The following RHD variants were observed in gnomAD, a reference collection of about 807,000 sequenced individuals.
RHD encodes the protein Rh blood group D antigen.
In RHD, 16 loss-of-function variants were observed where a neutral mutation model predicts 45.5. The observed-to-expected ratio is 0.35, with a 90% CI of 0.24 to 0.53. RHD has a LOEUF of 0.53. Ranked by LOEUF, RHD falls within the 20% of genes least tolerant of loss-of-function variation. RHD has a pLI of 0.92. For missense variants in RHD, 306 were observed against 532.0 expected (o/e 0.58, Z 4.18); for synonymous variants, 131 against 217.5 (o/e 0.60, Z 3.50).
Position 25,299,363 on chromosome 1 carries a change from A to G in RHD, c.487-1583A>G, listed in dbSNP as rs1401232646. 6.1e-5 allele frequency among the ~76,000 whole-genome samples: 8 copies of G among 131,188 alleles called. 3 individuals carry two copies. Among genetic ancestry groups the G allele is most frequent in the Non-Finnish European group, 1.4e-4 (8 of 55,700 alleles). 86.1% of individuals were successfully genotyped at this position (131,188 alleles called of 152,430 possible). A position where few individuals can be genotyped will look rare whatever the true frequency, so the allele number is the denominator to read the frequency against. ...CACCAGTGCACTCTAGCCTGGCGAC[A>G]GAGTGAGACTCCGTCTCAAAAATAA... is the stretch of plus-strand genomic sequence containing the variant. On this transcript the variant is annotated intron_variant, in intron 3 of 9. Transcript: ENST00000328664.
At chr1:25,320,302 C>T (rs189082768) in intron 8 of RHD, among the ~76,000 whole-genome samples, 20 of 131,830 alleles carry the variant, frequency 1.5e-4, no homozygotes, top group African/African-American at 5.2e-4. Context: ...TTATATGGCA[C>T]GTTATAAGTG....
rs138052904 is a variant in RHD, at chr1:25,290,170, C to G, written c.336-471C>G. Among the ~76,000 whole-genome samples, 443 of 128,362 alleles carry G rather than the reference C, an allele frequency of 3.5e-3. 19 individuals carry two copies. The highest frequency in any genetic ancestry group is 9.5e-3 in the African/African-American group (341 of 35,728). 84.2% of individuals were successfully genotyped at this position (128,362 alleles called of 152,430 possible). ...CAGTTTCTTTCCACTGCCACGGAGA[C>G]GGAGAGAAGGGACAGTGGCCCCAGA... is the stretch of plus-strand genomic sequence containing the variant. On this transcript the variant is annotated intron_variant, in intron 2 of 9. Coordinates refer to ENST00000328664, the MANE Select transcript of RHD (RefSeq NM_016124.6).
At position 25,293,148 on chromosome 1, in the gene RHD, A is replaced by T. The variant is rs1220515914; in HGVS notation, c.486+2357A>T. 6.1e-5 allele frequency among the ~76,000 whole-genome samples: 8 copies of T among 131,596 alleles called. 3 individuals are homozygous for T. The allele number at this position is 131,596 out of a possible 152,430, so 86.3% of individuals were successfully genotyped here. On this transcript the variant is annotated intron_variant, in intron 3 of 9. Transcript: ENST00000328664. ...CAGGAGATGAGAAAGTGGAGACAGC[A>T]TGCAGGGGCAGCTCTGCCAAGGACT...
rs1452502975 is a variant in RHD at position 25,302,688 on chromosome 1, C to T, written c.802-634C>T. Among the ~76,000 whole-genome samples, 6 of 130,292 alleles carry T rather than the reference C, an allele frequency of 4.6e-5. No individual in the cohort carries two copies. In the East Asian group the frequency reaches 9.8e-4, roughly 21 times the overall value. The allele number at this position is 130,292 out of a possible 152,430, so 85.5% of individuals were successfully genotyped here. A position where few individuals can be genotyped will look rare whatever the true frequency, so the allele number is the denominator to read the frequency against. On this transcript the variant is annotated intron_variant, in intron 5 of 9. Transcript: ENST00000328664. ...AACTGGGCCCAGTCACACAGGGTGG[C>T]ACAGGCACCAAGTAGCCAATAATAA...
intron 2 of RHD, 132 bp from the exon 3 acceptor site, chr1:25,290,509 T>C (rs1642395072): frequency 4.8e-6 from 4 of 839,556 alleles, no homozygotes; most frequent in Non-Finnish European, 3.9e-6. Flanking sequence ...AGAAATCTTG[T>C]CTTCTATTCC....
At chr1:25,318,390 C>T (rs1245042914) in intron 8 of RHD, 3 of 131,660 alleles carry the variant, frequency 2.3e-5, no homozygotes, top group Admixed American at 2.2e-4. Context: ...GAGTTCGAGA[C>T]CAGCCTGACC....
At chr1:25,314,201 G>A (rs1001807263) in intron 7 of RHD, among the ~76,000 whole-genome samples, 1 of 132,968 alleles carries the variant, frequency 7.5e-6, no homozygotes, top group Admixed American at 7.3e-5. Flanking sequence ...CTAATCACCA[G>A]TAGTGTATAG....
In RHD at chr1:25,297,194, G is replaced by A. The variant is rs1196814200; in HGVS notation, c.487-3752G>A. 1.1e-4 allele frequency among the ~76,000 whole-genome samples: 10 copies of A among 87,298 alleles called. 1 individual carries two copies. The highest frequency in any genetic ancestry group is 3.4e-4 in the African/African-American group (9 of 26,808). 57.3% of individuals were successfully genotyped at this position (87,298 alleles called of 152,430 possible). On this transcript the variant is annotated intron_variant, in intron 3 of 9. Coordinates refer to ENST00000328664, the MANE Select transcript of RHD (RefSeq NM_016124.6). ...TGACCTTGACATGTTTTGAAGTTTCGAGCCAGTTCTTTTGTAGAATGTGGG... is the reference window on the plus strand; with the variant it reads ...TGACCTTGACATGTTTTGAAGTTTCAAGCCAGTTCTTTTGTAGAATGTGGG...
chr1:25,315,046 T>C (rs569851783), intron 7 of RHD, among the ~76,000 whole-genome samples: 1 of 128,604 alleles, frequency 7.8e-6, no homozygotes, highest in South Asian at 2.4e-4. Context: ...CTACTAAAAA[T>C]ACAAAAAATT....
rs756018237 is a variant in RHD, at chr1:25,284,590, G to C, written c.166G>C (p.Val56Leu). 37 of 1,389,262 alleles carry C rather than the reference G, an allele frequency of 2.7e-5. 12 individuals carry two copies. The highest frequency in any genetic ancestry group is 1.8e-4 in the Middle Eastern group (1 of 5,544). The allele number at this position is 1,389,262 out of a possible 1,614,324, so 86.1% of individuals were successfully genotyped here. A position where few individuals can be genotyped will look rare whatever the true frequency, so the allele number is the denominator to read the frequency against. ...CCGAGCAGTTGGCCAAGATCTGACC[G>C]TGATGGCGGCCATTGGCTTGGGCTT... is the stretch of plus-strand genomic sequence containing the variant. ...ASYQVGQDLT[V>L]MAAIGLGFLT... The change falls in exon 2 of 10, where the codon GTG becomes CTG. Residue 56 changes from valine to leucine, a missense_variant. Transcript: ENST00000328664.
chr1:25,302,329 C>G (rs676188), intron 5 of RHD, among the ~76,000 whole-genome samples: 1,666 of 128,808 alleles, frequency 0.013, 163 homozygotes, highest in African/African-American at 0.039. Flanking sequence ...GGGGAAGGGG[C>G]TCCAGCTGGT....
intron 7 of RHD, among the ~76,000 whole-genome samples, chr1:25,311,580 G>T (rs1223337550): frequency 6.9e-5 from 9 of 129,918 alleles, no homozygotes; most frequent in African/African-American, 2.4e-4. Context: ...AAAGCCAGAG[G>T]CTGTTCATCA....
chr1:25,282,541 T>C (rs1238539799), intron 1 of RHD, among the ~76,000 whole-genome samples: 1 of 131,990 alleles, frequency 7.6e-6, no homozygotes, highest in African/African-American at 2.6e-5. Context: ...GGCAATTTAG[T>C]GAGGTTTAAT....
chr1:25,305,292 C>A lies in RHD; in HGVS notation c.940-1304C>A, dbSNP rs1403808391. Among the ~76,000 whole-genome samples the A allele has an allele frequency of 1.5e-5, 2 of 132,122 alleles. 1 individual carries two copies. The highest frequency in any genetic ancestry group is 3.6e-5 in the Non-Finnish European group (2 of 55,872). The allele number at this position is 132,122 out of a possible 152,430, so 86.7% of individuals were successfully genotyped here. A position where few individuals can be genotyped will look rare whatever the true frequency, so the allele number is the denominator to read the frequency against. On this transcript the variant is annotated intron_variant, in intron 6 of 9. Coordinates refer to ENST00000328664, the MANE Select transcript of RHD (RefSeq NM_016124.6). ...AACAGACATTCTAAAGGCATAGGGT[C>A]CACCCAGGAGCATGGTGGACCCAGA...
At chr1:25,281,890 T>C (rs373174183) in intron 1 of RHD, among the ~76,000 whole-genome samples, 5 of 132,740 alleles carry the variant, frequency 3.8e-5, no homozygotes, top group South Asian at 2.3e-4. Flanking sequence ...GGTATGTGTA[T>C]GTTTCAATGG....
rs138848224 is a variant in RHD, at chr1:25,320,520, A to T, written c.1154-1369A>T. Among the ~76,000 whole-genome samples, 180 of 128,864 alleles carry T rather than the reference A, an allele frequency of 1.4e-3. 1 individual carries two copies. The highest frequency in any genetic ancestry group is 4.5e-3 in the African/African-American group (162 of 36,066). The allele number at this position is 128,864 out of a possible 152,430, so 84.5% of individuals were successfully genotyped here. ...TGGTTGTACCCTGCATGCCAATATC[A>T]GCTAAAAGCAGCACCACGAAAGGGA... On this transcript the variant is annotated intron_variant, in intron 8 of 9. Coordinates refer to ENST00000328664, the MANE Select transcript of RHD (RefSeq NM_016124.6).
chr1:25,297,680 C>T (rs1233127714), intron 3 of RHD, among the ~76,000 whole-genome samples: 1 of 132,338 alleles, frequency 7.6e-6, no homozygotes, highest in African/African-American at 2.6e-5. Flanking sequence ...TTCCGGTTTA[C>T]ACACTTCCAT....
chr1:25,285,401 T>G (rs1641890516), intron 2 of RHD, among the ~76,000 whole-genome samples: 1 of 134,956 alleles, frequency 7.4e-6, no homozygotes, highest in African/African-American at 2.6e-5. Context: ...CCCAAAGTGC[T>G]GGGATTACAG....
At chr1:25,302,455 TAA>T (rs1490329186) in intron 5 of RHD, among the ~76,000 whole-genome samples, 1 of 128,878 alleles carries the variant, frequency 7.8e-6, no homozygotes, top group East Asian at 2.0e-4. Flanking sequence ...AATTCAGTGC[TAA>T]GAGGAAGTGA....
Sources: gnomAD v4.1 joint callset for allele counts (sites outside exome capture counted in the v4.1 genomes callset) on GRCh38, gnomAD v4.1.1 for gene constraint, MANE v1.5 for transcripts, NCBI Gene and HGNC (gene_info 2026-07-23, HGNC 2026-07-21) for gene names.